The following NDUFAF1 variants were observed in gnomAD, a reference collection of about 807,000 sequenced individuals.
NDUFAF1 encodes NADH:ubiquinone oxidoreductase complex assembly factor 1, also known as complex I intermediate-associated protein 30, mitochondrial.
NDUFAF1 carries 18 observed loss-of-function variants against 28.7 expected under a neutral mutation model. The ratio of observed to expected loss-of-function variants is 0.63; its 90% CI spans 0.43 to 0.93. The LOEUF is 0.93. Among genes scored for constraint, NDUFAF1 ranks in the 40% least tolerant of loss-of-function variants. The probability of loss-of-function intolerance (pLI) is 0.00; values close to 1 mark genes in which losing one functional copy is unlikely to be tolerated. For synonymous variants in NDUFAF1, 113 were observed against 139.7 expected (o/e 0.81, Z 1.35); for missense variants, 404 against 398.3 (o/e 1.01, Z -0.12).
chr15:41,401,320 G>T (rs540501431), intron 1 of NDUFAF1, among the ~76,000 whole-genome samples: 1 of 142,968 alleles, frequency 7.0e-6, no homozygotes, highest in South Asian at 2.2e-4. Flanking sequence ...ACCCAGGCTG[G>T]AGTGCAATGG....
At chr15:41,401,643 C>G (rs2050464950) in intron 1 of NDUFAF1, among the ~76,000 whole-genome samples, 1 of 151,912 alleles carries the variant, frequency 6.6e-6, no homozygotes, top group Admixed American at 6.6e-5. Flanking sequence ...CCAGGCTGGT[C>G]TCGAACTCCT....
intron 2 of NDUFAF1, among the ~76,000 whole-genome samples, chr15:41,395,395 A>G (rs1431489001): frequency 1.4e-5 from 2 of 144,072 alleles, no homozygotes; most frequent in African/African-American, 5.2e-5. Flanking sequence ...TTTGAGACGG[A>G]GTCTTGCTCT....
chr15:41,392,503 A>G (rs535033653), intron 3 of NDUFAF1, among the ~76,000 whole-genome samples: 1 of 152,278 alleles, frequency 6.6e-6, no homozygotes, highest in South Asian at 2.1e-4. Flanking sequence ...GGTGAAGTTA[A>G]CTGAACCATG....
At chr15:41,394,019 C>CT (rs549825524) in intron 3 of NDUFAF1, 1,490 of 130,098 alleles carry the variant, frequency 0.011, 205 homozygotes, top group African/African-American at 0.02. Context: ...TAGGACACTA[C>CT]TTTTTTTTTT....
At chr15:41,389,957 G>GA (rs917680993) in intron 3 of NDUFAF1, among the ~76,000 whole-genome samples, 24 of 151,240 alleles carry the variant, frequency 1.6e-4, no homozygotes, top group African/African-American at 5.8e-4. Context: ...AACAAGTTAA[G>GA]AAAAAAAAAT....
At position 41,387,353 on chromosome 15, in the gene NDUFAF1, T is replaced by C; in HGVS notation, c.*91A>G. The C allele has an allele frequency of 7.9e-7, 1 of 1,258,602 alleles. No individual in the cohort carries two copies. Among genetic ancestry groups the C allele is most frequent in the Non-Finnish European group, 1.2e-6 (1 of 868,500 alleles). The allele number at this position is 1,258,602 out of a possible 1,614,324, so 78.0% of individuals were successfully genotyped here. ...AGAGAGAATACATACTAGCCATTGG[T>C]TGGATGCCATTAAAGAAATATTTTA... On this transcript the variant is annotated 3_prime_UTR_variant, in exon 5 of 5. Transcript: ENST00000260361.
In NDUFAF1 at chr15:41,401,725, C is replaced by T. The variant is rs968354655; in HGVS notation, c.-82+419G>A. 6.9e-4 allele frequency among the ~76,000 whole-genome samples: 105 copies of T among 152,054 alleles called. 6 individuals are homozygous for T. Among genetic ancestry groups the T allele is most frequent in the Admixed American group, 6.6e-5 (1 of 15,250 alleles). ...ACAGGCGTGAGCCACCGCGCCCAGC[C>T]GACATTATCAATAAGGTTTGTTGAT... On this transcript the variant is annotated intron_variant, in intron 1 of 4. Transcript: ENST00000260361.
chr15:41,396,975 C>T lies in NDUFAF1; in HGVS notation c.85G>A (p.Gly29Ser), dbSNP rs2050398063. The change falls in exon 2 of 5, where the codon GGT becomes AGT. Residue 29 changes from glycine to serine, a missense_variant. Coordinates refer to ENST00000260361, the MANE Select transcript of NDUFAF1 (RefSeq NM_016013.4). ...KPTSALYPFL[G>S]IRFAEYSSSL... ...CTGGAATACTCTGCAAAGCGAATAC[C>T]CAAAAATGGATACAAGGCAGAAGTT... The T allele has an allele frequency of 6.2e-7, 1 of 1,611,382 alleles. No individual in the cohort carries two copies. Among genetic ancestry groups the T allele is most frequent in the African/African-American group, 1.3e-5 (1 of 74,596 alleles).
chr15:41,394,545 C>G, intron 3 of NDUFAF1, among the ~76,000 whole-genome samples: 1 of 151,064 alleles, frequency 6.6e-6, no homozygotes. Flanking sequence ...AACCTTTCTT[C>G]TACCCACCCA....
At chr15:41,390,199 A>G (rs2050299717) in intron 3 of NDUFAF1, among the ~76,000 whole-genome samples, 1 of 152,182 alleles carries the variant, frequency 6.6e-6, no homozygotes, top group Non-Finnish European at 1.5e-5. Flanking sequence ...CTAGCTTCAA[A>G]TGATTCACTG....
chr15:41,399,582 C>G (rs1158338271), intron 1 of NDUFAF1, among the ~76,000 whole-genome samples: 1 of 150,594 alleles, frequency 6.6e-6, no homozygotes, highest in African/African-American at 2.4e-5. Flanking sequence ...AGGCCGGGCG[C>G]GGTGGCTCAC....
At chr15:41,387,632 A>C (rs1390224972) in intron 4 of NDUFAF1, 39 bp from the exon 5 acceptor site, 2 of 1,514,594 alleles carry the variant, frequency 1.3e-6, no homozygotes, top group Non-Finnish European at 1.8e-6. Flanking sequence ...AATCTCATAC[A>C]GTGACGTACT....
At chr15:41,398,198 G>C (rs2050417243) in intron 1 of NDUFAF1, among the ~76,000 whole-genome samples, 1 of 149,794 alleles carries the variant, frequency 6.7e-6, no homozygotes. Context: ...CTTTTTATAA[G>C]AGACTGGGTC....
At chr15:41,399,713 G>A (rs1376423255) in intron 1 of NDUFAF1, among the ~76,000 whole-genome samples, 29 of 151,174 alleles carry the variant, frequency 1.9e-4, no homozygotes, top group East Asian at 7.9e-4. Flanking sequence ...AAAATTAGCC[G>A]GGCGTAGTGG....
rs747099945 is a variant in NDUFAF1, at chr15:41,387,576, G to A, written c.852C>T (p.Phe284=). Residue 284 remains phenylalanine (F), a synonymous_variant, in exon 5 of 5, where the codon TTC becomes TTT. Coordinates refer to ENST00000260361, the MANE Select transcript of NDUFAF1 (RefSeq NM_016013.4). ...LPLDKISSIG[F]TLADKVDGPF... is the part of the protein sequence containing the mutation. ...GACCATCCACTTTATCAGCCAAGGT[G>A]AATCCTATAGAAGAGATCTAAATTT... 1 of 1,608,604 alleles carries A rather than the reference G, an allele frequency of 6.2e-7. No individual in the cohort carries two copies. The highest frequency in any genetic ancestry group is 1.3e-5 in the African/African-American group (1 of 74,800).
chr15:41,390,108 C>T (rs192605673), intron 3 of NDUFAF1, among the ~76,000 whole-genome samples: 1 of 152,114 alleles, frequency 6.6e-6, no homozygotes, highest in Admixed American at 6.6e-5. Context: ...GGACTAAAGG[C>T]ACATGCCACC....
At position 41,402,427 on chromosome 15, in the gene NDUFAF1, G is replaced by A. The variant is rs764719640; in HGVS notation, c.-365C>T. On this transcript the variant is annotated 5_prime_UTR_variant, in exon 1 of 5. Coordinates refer to ENST00000260361, the MANE Select transcript of NDUFAF1 (RefSeq NM_016013.4). ...TCCCCACACCCGGGACACACCAACC[G>A]CCGGCCTGCCGCCGCTTACCTCCCC... is the stretch of plus-strand genomic sequence containing the variant. 3 of 435,248 alleles carry A rather than the reference G, an allele frequency of 6.9e-6. No individual in the cohort carries two copies. Among genetic ancestry groups the A allele is most frequent in the East Asian group, 7.1e-5 (1 of 14,008 alleles). The allele number at this position is 435,248 out of a possible 1,614,324, so 27.0% of individuals were successfully genotyped here.
At chr15:41,395,126 A>C in intron 2 of NDUFAF1, 82 bp from the exon 3 acceptor site, 1 of 1,284,576 alleles carries the variant, frequency 7.8e-7, no homozygotes, top group Non-Finnish European at 1.1e-6. Flanking sequence ...CAGCATCATC[A>C]ACAGGATGCA....
At position 41,396,477 on chromosome 15, in the gene NDUFAF1, C is replaced by A; in HGVS notation, c.573+10G>T. ...TTACTAGAAAACGATGGCTCCTGGG[C>A]CTCACCTACCCTTGGAATCCTGGAT... On this transcript the variant is annotated intron_variant, in intron 2 of 4. Transcript: ENST00000260361. 6.2e-7 allele frequency: 1 copy of A among 1,613,738 alleles called. No individual in the cohort carries two copies. Among genetic ancestry groups the A allele is most frequent in the Non-Finnish European group, 8.5e-7 (1 of 1,179,728 alleles).
Sources: gnomAD v4.1 joint callset for allele counts (sites outside exome capture counted in the v4.1 genomes callset) on GRCh38, gnomAD v4.1.1 for gene constraint, MANE v1.5 for transcripts, NCBI Gene and HGNC (gene_info 2026-07-23, HGNC 2026-07-21) for gene names.